Variants in HSD11B1 observed in about 807,000 individuals in gnomAD.
The protein encoded by HSD11B1 is hydroxysteroid 11-beta dehydrogenase 1.
HSD11B1 carries 15 observed loss-of-function variants against 22.1 expected under a neutral mutation model. The observed-to-expected ratio is 0.68, with a 90% CI of 0.45 to 1.04. HSD11B1 has a LOEUF of 1.04. Among genes scored for constraint, HSD11B1 ranks in the 50% least tolerant of loss-of-function variants. The probability of loss-of-function intolerance (pLI) is 0.00; values close to 1 mark genes in which losing one functional copy is unlikely to be tolerated. For missense variants in HSD11B1, 281 were observed against 357.6 expected (o/e 0.79, Z 1.73); for synonymous variants, 122 against 125.2 (o/e 0.97, Z 0.17).
chr1:209,693,623 T>C (rs759033963), intron 1 of HSD11B1, among the ~76,000 whole-genome samples: 5 of 152,224 alleles, frequency 3.3e-5, no homozygotes, highest in Non-Finnish European at 5.9e-5. Flanking sequence ...ATCCTTCCAG[T>C]GATCTTGTTT....
chr1:209,711,528 C>T (rs189787189), intron 4 of HSD11B1, among the ~76,000 whole-genome samples: 4 of 152,028 alleles, frequency 2.6e-5, no homozygotes, highest in African/African-American at 9.7e-5. Context: ...TCCATGTGAA[C>T]GTAAGCATTT....
rs1441650669 is a variant in HSD11B1, at chr1:209,732,469, C to G, written c.551C>G (p.Ser184Cys). The G allele has an allele frequency of 1.9e-6, 3 of 1,613,988 alleles. No homozygotes were observed. Among genetic ancestry groups the G allele is most frequent in the Admixed American group, 1.7e-5 (1 of 59,986 alleles). The change falls in exon 5 of 6, where the codon TCT (serine) becomes TGT (cysteine). Residue 184 changes from serine (S) to cysteine (C), a missense_variant. By Grantham distance (112) the Ser-to-Cys change is moderately radical (BLOSUM62 -1). Coordinates refer to ENST00000367027, the MANE Select transcript of HSD11B1 (RefSeq NM_005525.4). ...KVAYPMVAAYSASKFALDGFF... is the reference protein window; with the variant it reads ...KVAYPMVAAYCASKFALDGFF... ...GCTTATCCAATGGTTGCTGCCTATT[C>G]TGCAAGCAAGTTTGCTTTGGATGGG...
At chr1:209,708,104 G>A (rs2076872054) in intron 4 of HSD11B1, among the ~76,000 whole-genome samples, 1 of 152,154 alleles carries the variant, frequency 6.6e-6, no homozygotes, top group African/African-American at 2.4e-5. Flanking sequence ...TCTGGATGGT[G>A]GTAGCATCAG....
At chr1:209,722,773 G>C (rs1216056033) in intron 4 of HSD11B1, among the ~76,000 whole-genome samples, 1 of 152,170 alleles carries the variant, frequency 6.6e-6, no homozygotes, top group Non-Finnish European at 1.5e-5. Context: ...TTTGCCTGGG[G>C]TTGCTCTAAA....
At chr1:209,730,338 C>T (rs1292271255) in intron 4 of HSD11B1, among the ~76,000 whole-genome samples, 1 of 152,176 alleles carries the variant, frequency 6.6e-6, no homozygotes, top group African/African-American at 2.4e-5. Context: ...CTAAAGTTCA[C>T]AAACTGACTG....
rs1406308329 is a variant in HSD11B1, at chr1:209,705,874, C to T, written c.152C>T (p.Ala51Val). 3.1e-6 allele frequency: 5 copies of T among 1,613,840 alleles called. No homozygotes were observed. Among genetic ancestry groups the T allele is most frequent in the Admixed American group, 1.7e-5 (1 of 59,988 alleles). ...GASKGIGREMAYHLAKMGAHV... is the reference protein window; with the variant it reads ...GASKGIGREMVYHLAKMGAHV... ...AGCAAAGGGATCGGAAGAGAGATGG[C>T]TTATCATCTGGCGAAGATGGGAGCC... Residue 51 changes from alanine to valine, a missense_variant, in exon 2 of 6, where the codon GCT (alanine) becomes GTT (valine). Physicochemically the swap from Ala to Val is moderately conservative, Grantham distance 64. Transcript: ENST00000367027.
At chr1:209,692,583 T>C (rs1013105223) in intron 1 of HSD11B1, among the ~76,000 whole-genome samples, 110 of 87,612 alleles carry the variant, frequency 1.3e-3, no homozygotes, top group Admixed American at 6.1e-3. Flanking sequence ...CAATTAGAGA[T>C]CAAGGAATCG....
chr1:209,712,177 A>C (rs1450767317), intron 4 of HSD11B1, among the ~76,000 whole-genome samples: 1 of 152,206 alleles, frequency 6.6e-6, no homozygotes, highest in Admixed American at 6.5e-5. Context: ...AGGAGAATAT[A>C]AATGTGCCCA....
At chr1:209,714,630 T>C (rs959661852) in intron 4 of HSD11B1, among the ~76,000 whole-genome samples, 6 of 152,204 alleles carry the variant, frequency 3.9e-5, no homozygotes, top group Non-Finnish European at 7.3e-5. Context: ...AAGGATACTA[T>C]TGGCCTTTGG....
At position 209,707,093 on chromosome 1, in the gene HSD11B1, G is replaced by A. The variant is rs756712282; in HGVS notation, c.482G>A (p.Ser161Asn). ...TVAALPMLKQ[S>N]NGSIVVVSSL... ...GCTGCCTTGCCCATGCTGAAGCAGA[G>A]CAATGGAAGCATTGTTGTCGTCTCC... The change falls in exon 4 of 6, where the codon AGC becomes AAC. Residue 161 changes from serine to asparagine, a missense_variant. Ser to Asn is a conservative substitution (Grantham distance 46, BLOSUM62 1). Coordinates refer to ENST00000367027, the MANE Select transcript of HSD11B1 (RefSeq NM_005525.4). 2 of 1,614,074 alleles carry A rather than the reference G, an allele frequency of 1.2e-6. No homozygotes were observed. The highest frequency in any genetic ancestry group is 1.7e-6 in the Non-Finnish European group (2 of 1,179,998).
At chr1:209,693,211 C>T (rs2076771580) in intron 1 of HSD11B1, among the ~76,000 whole-genome samples, 1 of 152,182 alleles carries the variant, frequency 6.6e-6, no homozygotes, top group Non-Finnish European at 1.5e-5. Context: ...CATGAATCCT[C>T]CCATCAGATA....
intron 1 of HSD11B1, among the ~76,000 whole-genome samples, chr1:209,695,412 G>C (rs1229672471): frequency 1.3e-5 from 2 of 152,168 alleles, no homozygotes; most frequent in Non-Finnish European, 2.9e-5. Context: ...TAAGTTTCTG[G>C]ATTACTAATT....
At chr1:209,701,673 A>G (rs1215649287), upstream of HSD11B1, among the ~76,000 whole-genome samples, 1 of 152,222 alleles carries the variant, frequency 6.6e-6, no homozygotes, top group Non-Finnish European at 1.5e-5. Flanking sequence ...CAAATCTACT[A>G]AATAGTCATG....
At chr1:209,723,287 C>G (rs1022787840) in intron 4 of HSD11B1, among the ~76,000 whole-genome samples, 1 of 152,166 alleles carries the variant, frequency 6.6e-6, no homozygotes, top group Non-Finnish European at 1.5e-5. Context: ...AGGCTTCCGA[C>G]CCCCTCAATT....
chr1:209,704,339 G>A (rs571138260), upstream of HSD11B1, among the ~76,000 whole-genome samples: 37 of 152,060 alleles, frequency 2.4e-4, no homozygotes, highest in African/African-American at 8.0e-4. Context: ...GAACTTGAGT[G>A]TGGGGCTTAT....
intron 4 of HSD11B1, among the ~76,000 whole-genome samples, chr1:209,714,191 AAAAC>A (rs567293634): frequency 5.0e-4 from 76 of 152,366 alleles, no homozygotes; most frequent in African/African-American, 1.3e-3. Flanking sequence ...TATAGTTGTA[AAAAC>A]AAACAAACAA....
chr1:209,704,218 T>C (rs916359994), upstream of HSD11B1, among the ~76,000 whole-genome samples: 1 of 152,222 alleles, frequency 6.6e-6, no homozygotes, highest in African/African-American at 2.4e-5. Context: ...AAATAATAAG[T>C]GTATGATCCA....
At chr1:209,691,023 T>C (rs943715135) in intron 1 of HSD11B1, among the ~76,000 whole-genome samples, 2 of 152,118 alleles carry the variant, frequency 1.3e-5, no homozygotes, top group African/African-American at 4.8e-5. Context: ...AGAATATTAT[T>C]GGAAATGTTA....
In HSD11B1 at chr1:209,715,021, G is replaced by A. The variant is rs748892902; in HGVS notation, c.517+7893G>A. ...CAAGAGGGCCTGCCATGGGCAGCCC[G>A]ACATAGGGTAAAGAAGGCATTCACC... On this transcript the variant is annotated intron_variant, in intron 4 of 5. Coordinates refer to ENST00000367027, the MANE Select transcript of HSD11B1 (RefSeq NM_005525.4). 8.5e-5 allele frequency among the ~76,000 whole-genome samples: 13 copies of A among 152,322 alleles called. No homozygotes were observed. In the East Asian group the frequency reaches 1.7e-3, roughly 20 times the overall value.
Sources: gnomAD v4.1 joint callset for allele counts (sites outside exome capture counted in the v4.1 genomes callset) on GRCh38, gnomAD v4.1.1 for gene constraint, MANE v1.5 for transcripts, NCBI Gene and HGNC (gene_info 2026-07-23, HGNC 2026-07-21) for gene names.